Variants in TDRD12 observed in about 807,000 individuals in gnomAD.
TDRD12 encodes tudor domain containing 12.
A neutral mutation model predicts 133.5 loss-of-function variants in TDRD12; 158 were observed. The observed-to-expected ratio is 1.18, with a 90% CI of 1.04 to 1.35. The LOEUF (loss-of-function observed/expected upper bound fraction) is 1.35. Ranked by LOEUF, TDRD12 falls within the 40% of genes most tolerant of loss-of-function variation. The probability of loss-of-function intolerance (pLI) is 0.00; values close to 1 mark genes in which losing one functional copy is unlikely to be tolerated. For missense variants in TDRD12, 1,443 were observed against 1,321.3 expected (o/e 1.09, Z -1.43); for synonymous variants, 460 against 477.9 (o/e 0.96, Z 0.49).
chr19:32,731,811 T>C (rs1055891205), exon 2 of TDRD12: 2 of 1,551,478 alleles, frequency 1.3e-6, no homozygotes, highest in Non-Finnish European at 8.7e-7. Context: ...AATTAAATAG[T>C]GCCATGAATG....
intron 6 of TDRD12, among the ~76,000 whole-genome samples, chr19:32,752,249 G>A (rs1406380785): frequency 1.3e-5 from 2 of 150,724 alleles, no homozygotes; most frequent in African/African-American, 4.9e-5. Flanking sequence ...GTGCGATCTT[G>A]GCTCACTGCA....
chr19:32,813,172 T>C (rs916882237), intron 24 of TDRD12, among the ~76,000 whole-genome samples: 1 of 152,032 alleles, frequency 6.6e-6, no homozygotes, highest in Non-Finnish European at 1.5e-5. Context: ...AGAGACCCTG[T>C]CTCAAAGAAA....
chr19:32,796,048 G>A (rs1599597407), intron 14 of TDRD12: 1 of 508,776 alleles, frequency 2.0e-6, no homozygotes, highest in South Asian at 8.5e-5. Context: ...CACTGAGAAA[G>A]AGGTGGTGGG....
At chr19:32,720,218 G>T (rs1339721159) in intron 1 of TDRD12, 122 bp downstream of exon 1, 1 of 1,042,034 alleles carries the variant, frequency 9.6e-7, no homozygotes, top group Non-Finnish European at 1.3e-6. Flanking sequence ...CCGCAGCCCC[G>T]CACAGCCTCC....
At chr19:32,794,712 G>A (rs1227942227) in exon 14 of TDRD12, 1 of 703,248 alleles carries the variant, frequency 1.4e-6, no homozygotes, top group South Asian at 1.5e-5. Context: ...TGATGTGGTT[G>A]TCATTTCTCA....
chr19:32,782,002 T>A lies in TDRD12; in HGVS notation c.1121+4773T>A, dbSNP rs1421906653. On this transcript the variant is annotated intron_variant, in intron 11 of 27. Coordinates refer to ENST00000444215, the Ensembl canonical transcript of TDRD12. ...TTTTATTATACTTAAAGTTCTGGGTTACATGTGCGGAATGTGCAGTTTTGT... is the reference window on the plus strand; with the variant it reads ...TTTTATTATACTTAAAGTTCTGGGTAACATGTGCGGAATGTGCAGTTTTGT... 4.6e-5 allele frequency among the ~76,000 whole-genome samples: 7 copies of A among 152,114 alleles called. No homozygotes were observed. The East Asian group carries it at 1.4e-3, about 29-fold the overall frequency.
At chr19:32,731,568 A>G (rs910482611) in intron 1 of TDRD12, among the ~76,000 whole-genome samples, 157 bp from the exon 2 acceptor site, 14 of 152,346 alleles carry the variant, frequency 9.2e-5, no homozygotes, top group Non-Finnish European at 1.6e-4. Context: ...TATGTGTTTT[A>G]GAATTTTATC....
At chr19:32,768,823 G>A (rs1970367467) in intron 8 of TDRD12, among the ~76,000 whole-genome samples, 1 of 152,102 alleles carries the variant, frequency 6.6e-6, no homozygotes, top group Non-Finnish European at 1.5e-5. Context: ...TTATGACACT[G>A]CACATATTTT....
chr19:32,793,203 T>C (rs1971121078), intron 13 of TDRD12, among the ~76,000 whole-genome samples: 1 of 151,836 alleles, frequency 6.6e-6, no homozygotes, highest in Admixed American at 6.6e-5. Context: ...ATAATAATAA[T>C]AATAATAATT....
chr19:32,756,927 T>G (rs1970011595), intron 7 of TDRD12, 111 bp from the exon 8 acceptor site: 1 of 866,382 alleles, frequency 1.2e-6, no homozygotes, highest in Non-Finnish European at 1.8e-6. Context: ...TAGTCAGGTT[T>G]CCTGTAACCT....
chr19:32,720,052 C>G lies in TDRD12; in HGVS notation c.-21C>G. On this transcript the variant is annotated 5_prime_UTR_variant, in exon 1 of 28. The change creates a new upstream start codon in the 5' untranslated region. Coordinates refer to ENST00000444215, the Ensembl canonical transcript of TDRD12. The stretch of plus-strand genomic sequence containing the variant: ...GGACTTCCAGGGCGAGGGGGCCCAT[C>G]TGCCCTCGGGCGCCAGGAGGATGCT... 6.5e-7 allele frequency: 1 copy of G among 1,548,146 alleles called. No individual in the cohort carries two copies. The highest frequency in any genetic ancestry group is 1.2e-5 in the South Asian group (1 of 84,022).
intron 1 of TDRD12, among the ~76,000 whole-genome samples, chr19:32,725,996 A>G (rs1364566038): frequency 6.6e-6 from 1 of 152,084 alleles, no homozygotes; most frequent in African/African-American, 2.4e-5. Flanking sequence ...CATATATTAT[A>G]TATTTTTTAT....
chr19:32,754,659 A>G (rs1226814925), intron 6 of TDRD12, among the ~76,000 whole-genome samples: 1 of 150,520 alleles, frequency 6.6e-6, no homozygotes, highest in Non-Finnish European at 1.5e-5. Context: ...TATGTTGATA[A>G]TGACTCTATC....
intron 9 of TDRD12, 89 bp from the exon 33 acceptor site, chr19:32,827,075 T>A: frequency 4.5e-6 from 3 of 667,924 alleles, no homozygotes; most frequent in East Asian, 3.4e-5. Flanking sequence ...ACCCAAGGCA[T>A]TTTTTTCTGC....
intron 8 of TDRD12, among the ~76,000 whole-genome samples, chr19:32,759,751 A>G (rs771453599): frequency 2.0e-5 from 3 of 152,206 alleles, no homozygotes; most frequent in Non-Finnish European, 2.9e-5. Context: ...TACTTAGTAT[A>G]TGGCTGAATT....
chr19:32,724,554 T>G (rs1233287056), intron 1 of TDRD12, among the ~76,000 whole-genome samples: 1 of 152,224 alleles, frequency 6.6e-6, no homozygotes. Flanking sequence ...GGATATTATC[T>G]TGTTACTTTT....
chr19:32,733,751 G>A (rs1380372439), intron 2 of TDRD12, among the ~76,000 whole-genome samples: 2 of 151,844 alleles, frequency 1.3e-5, no homozygotes, highest in African/African-American at 4.8e-5. Context: ...CACTCGATGT[G>A]GGGTTTTCTC....
At position 32,813,667 on chromosome 19, in the gene TDRD12, T is replaced by G. The variant is rs945547428; in HGVS notation, c.3049-17T>G. 2 of 1,438,908 alleles carry G rather than the reference T, an allele frequency of 1.4e-6. No individual in the cohort carries two copies. 89.1% of individuals were successfully genotyped at this position (1,438,908 alleles called of 1,614,324 possible). A position where few individuals can be genotyped will look rare whatever the true frequency, so the allele number is the denominator to read the frequency against. ...TGTTAAAGCCTCACCTAAAATAATG[T>G]TAAGTGCTTTTTTCAGGTTACTAGG... On this transcript the variant is annotated splice_polypyrimidine_tract_variant and intron_variant, in intron 24 of 27. Transcript: ENST00000444215.
At chr19:32,802,962 T>C (rs1941090179) in exon 21 of TDRD12, 2 of 1,535,938 alleles carry the variant, frequency 1.3e-6, no homozygotes, top group Admixed American at 3.9e-5. Context: ...GCCAAATCTG[T>C]CTTGCTGCTG....
Sources: allele counts gnomAD v4.1 joint callset (sites outside exome capture counted in the v4.1 genomes callset), GRCh38; gene constraint gnomAD v4.1.1; transcripts MANE v1.5; gene names NCBI Gene and HGNC (gene_info 2026-07-23, HGNC 2026-07-21).